SYT1: variants seen among roughly 807,000 people sequenced by gnomAD.
The protein encoded by SYT1 is synaptotagmin 1.
SYT1 carries 8 observed loss-of-function variants against 44.8 expected under a neutral mutation model. That is an observed-to-expected ratio of 0.18 (90% CI 0.10 to 0.32). The LOEUF is 0.32. Ranked by LOEUF, SYT1 falls within the 10% of genes least tolerant of loss-of-function variation. The pLI is 1.00. For synonymous variants in SYT1, 154 were observed against 188.8 expected (o/e 0.82, Z 1.51); for missense variants, 286 against 509.3 (o/e 0.56, Z 4.22).
chr12:79,300,789 T>TTTTGTATATATATA, intron 8 of SYT1, among the ~76,000 whole-genome samples: 1 of 89,610 alleles, frequency 1.1e-5, no homozygotes, highest in East Asian at 5.1e-4. Flanking sequence ...TGTATACTTA[T>TTTTGTATATATATA]TATATATATA....
rs538094548 is a variant in SYT1 at position 79,174,780 on chromosome 12, A to G, written c.-17-42723A>G. Among the ~76,000 whole-genome samples, 4 of 152,118 alleles carry G rather than the reference A, an allele frequency of 2.6e-5. No individual in the cohort carries two copies. In the South Asian group the frequency reaches 8.3e-4, roughly 32 times the overall value. ...TGTTAAAAAATTATATTCCTTCAACACTTTATAATTAGGAACAGGAATTGG... is the reference window on the plus strand; with the variant it reads ...TGTTAAAAAATTATATTCCTTCAACGCTTTATAATTAGGAACAGGAATTGG... On this transcript the variant is annotated intron_variant, in intron 3 of 10. Transcript: ENST00000261205.
chr12:79,308,792 A>G (rs1315518218), intron 8 of SYT1, among the ~76,000 whole-genome samples: 3 of 152,156 alleles, frequency 2.0e-5, no homozygotes, highest in Non-Finnish European at 4.4e-5. Flanking sequence ...CACACCTGAA[A>G]CACCACACCA....
intron 4 of SYT1, among the ~76,000 whole-genome samples, chr12:79,227,927 CTT>C (rs1472016729): frequency 6.6e-6 from 1 of 152,104 alleles, no homozygotes; most frequent in Non-Finnish European, 1.5e-5. Flanking sequence ...ATTCCGGAAA[CTT>C]TGCAGCCAAA....
intron 3 of SYT1, among the ~76,000 whole-genome samples, chr12:79,144,414 C>A (rs186244745): frequency 1.1e-4 from 16 of 152,328 alleles, no homozygotes; most frequent in African/African-American, 3.4e-4. Flanking sequence ...CCCCACCGCC[C>A]AGAAGGGCAT....
At chr12:79,294,252 A>T (rs1233720656) in intron 6 of SYT1, among the ~76,000 whole-genome samples, 1 of 152,102 alleles carries the variant, frequency 6.6e-6, no homozygotes, top group Non-Finnish European at 1.5e-5. Context: ...ATATAGTGAG[A>T]GTACATTTAC....
chr12:79,279,430 T>A (rs889269873), intron 4 of SYT1, among the ~76,000 whole-genome samples: 1 of 152,028 alleles, frequency 6.6e-6, no homozygotes, highest in African/African-American at 2.4e-5. Context: ...AGAAAAATCA[T>A]TCAATAAAAT....
intron 4 of SYT1, among the ~76,000 whole-genome samples, chr12:79,238,516 CAG>C (rs1481218359): frequency 6.6e-6 from 1 of 152,278 alleles, no homozygotes; most frequent in African/African-American, 2.4e-5. Flanking sequence ...AGTGAGGAAA[CAG>C]AGTGAGAATG....
intron 2 of SYT1, chr12:78,995,877 A>C (rs1870345703): frequency 6.6e-6 from 1 of 152,194 alleles, no homozygotes; most frequent in Non-Finnish European, 1.5e-5. Context: ...TTGCTGTTTG[A>C]ATGAACTGTG....
intron 9 of SYT1, among the ~76,000 whole-genome samples, chr12:79,368,548 C>G (rs1398620502): frequency 6.7e-6 from 1 of 149,982 alleles, no homozygotes; most frequent in African/African-American, 2.4e-5. Context: ...TCCACATCCT[C>G]TCCAGCACCT....
At chr12:79,189,207 C>G (rs1872972166) in intron 3 of SYT1, among the ~76,000 whole-genome samples, 1 of 152,136 alleles carries the variant, frequency 6.6e-6, no homozygotes, top group Admixed American at 6.6e-5. Flanking sequence ...AAAAAGAGTT[C>G]TGCAATAAGC....
At chr12:79,362,334 A>C (rs1335300926) in intron 9 of SYT1, among the ~76,000 whole-genome samples, 1 of 152,214 alleles carries the variant, frequency 6.6e-6, no homozygotes, top group East Asian at 1.9e-4. Context: ...CCCAATTTAG[A>C]GTATAGAGTA....
At chr12:79,388,558 A>G (rs1884530209) in intron 9 of SYT1, among the ~76,000 whole-genome samples, 1 of 152,002 alleles carries the variant, frequency 6.6e-6, no homozygotes, top group African/African-American at 2.4e-5. Context: ...AAATAAATAA[A>G]AAAATAGCCA....
At chr12:79,101,418 G>C (rs189712039) in intron 3 of SYT1, among the ~76,000 whole-genome samples, 3 of 152,294 alleles carry the variant, frequency 2.0e-5, no homozygotes, top group Admixed American at 2.0e-4. Context: ...GAAGTGACTA[G>C]AGTTGTCAAA....
At chr12:79,317,317 T>A (rs577390656) in intron 8 of SYT1, among the ~76,000 whole-genome samples, 2 of 152,240 alleles carry the variant, frequency 1.3e-5, no homozygotes, top group Non-Finnish European at 2.9e-5. Context: ...GCCTACTTTA[T>A]GCAAAACAAC....
intron 2 of SYT1, among the ~76,000 whole-genome samples, chr12:79,015,535 CA>C (rs1871751620): frequency 6.6e-6 from 1 of 152,096 alleles, no homozygotes; most frequent in African/African-American, 2.4e-5. Context: ...CTAGAAGAAT[CA>C]GAGCCTAAAT....
chr12:79,310,262 A>T (rs1158374814), intron 8 of SYT1, among the ~76,000 whole-genome samples: 1 of 152,078 alleles, frequency 6.6e-6, no homozygotes, highest in Non-Finnish European at 1.5e-5. Flanking sequence ...AGCACCATTT[A>T]TTAAATAGGG....
intron 8 of SYT1, among the ~76,000 whole-genome samples, chr12:79,312,416 T>A (rs1420402823): frequency 9.9e-5 from 15 of 152,236 alleles, no homozygotes; most frequent in Non-Finnish European, 1.5e-5. Flanking sequence ...TTCTTCCATT[T>A]GAAAAATGTG....
At chr12:79,255,419 A>ACTAT (rs1388263615) in intron 4 of SYT1, among the ~76,000 whole-genome samples, 1 of 152,258 alleles carries the variant, frequency 6.6e-6, no homozygotes, top group Non-Finnish European at 1.5e-5. Flanking sequence ...TAGTGTAAAC[A>ACTAT]GAACTTTTAT....
intron 3 of SYT1, among the ~76,000 whole-genome samples, chr12:79,163,505 T>G (rs2138317290): frequency 6.6e-6 from 1 of 152,198 alleles, no homozygotes; most frequent in South Asian, 2.1e-4. Flanking sequence ...GTCTCCTATA[T>G]TCCTTGATAA....
Sources: gnomAD v4.1 joint callset for allele counts (sites outside exome capture counted in the v4.1 genomes callset) on GRCh38, gnomAD v4.1.1 for gene constraint, MANE v1.5 for transcripts, NCBI Gene and HGNC (gene_info 2026-07-23, HGNC 2026-07-21) for gene names.